Variants in LEMD1 observed in about 807,000 individuals in gnomAD.
The protein encoded by LEMD1 is LEM domain containing 1.
In LEMD1, 18 loss-of-function variants were observed where a neutral mutation model predicts 17.4. The observed-to-expected ratio is 1.04, with a 90% CI of 0.72 to 1.54. The LOEUF is 1.54. LEMD1 is among the 40% of genes most tolerant of loss of function. The pLI is 0.00. For missense variants in LEMD1, 195 were observed against 210.4 expected (o/e 0.93, Z 0.45); for synonymous variants, 88 against 77.8 (o/e 1.13, Z -0.69).
At chr1:205,416,644 G>A (rs990858591) in intron 3 of LEMD1, among the ~76,000 whole-genome samples, 1 of 152,144 alleles carries the variant, frequency 6.6e-6, no homozygotes, top group Non-Finnish European at 1.5e-5. Context: ...TAGGAAGGGA[G>A]GATTTTCTCC....
chr1:205,404,976 G>A (rs1665024215), intron 4 of LEMD1, among the ~76,000 whole-genome samples: 1 of 152,010 alleles, frequency 6.6e-6, no homozygotes, highest in East Asian at 1.9e-4. Flanking sequence ...AGTTTGGCTG[G>A]ATATGAAATT....
At chr1:205,423,979 TA>T (rs147873684), upstream of LEMD1, among the ~76,000 whole-genome samples, 1,433 of 152,274 alleles carry the variant, frequency 9.4e-3, 20 homozygotes, top group African/African-American at 0.032. Context: ...ACGGAAATAG[TA>T]AAAGCCAGAT....
At chr1:205,414,977 T>C (rs978912495) in intron 4 of LEMD1, among the ~76,000 whole-genome samples, 1 of 152,070 alleles carries the variant, frequency 6.6e-6, no homozygotes, top group Non-Finnish European at 1.5e-5. Flanking sequence ...ATCATTCAGA[T>C]CCCTAAGACT....
intron 4 of LEMD1, among the ~76,000 whole-genome samples, chr1:205,389,293 C>T (rs1362178340): frequency 6.6e-6 from 1 of 152,078 alleles, no homozygotes; most frequent in Non-Finnish European, 1.5e-5. Context: ...AAGTGATCCA[C>T]CCACCTCAGC....
At position 205,428,859 on chromosome 1, in the gene LEMD1, GGTGGAGA is replaced by G. The variant is rs575425638; in HGVS notation, c.-38-8292_-38-8286del. ...GAATTTGGTGACCTATCAAAGGTGG[GGTGGAGA>G]GTGGAGAGTGGAGAGTGTCAGGAAT... On this transcript the variant is annotated intron_variant, in intron 1 of 3. Coordinates refer to the LEMD1 transcript ENST00000367154. 8.5e-4 allele frequency among the ~76,000 whole-genome samples: 130 copies of G among 152,272 alleles called. 1 individual carries two copies. The South Asian group carries it at 0.023, about 27-fold the overall frequency.
At chr1:205,403,033 G>A (rs1196671661) in intron 4 of LEMD1, among the ~76,000 whole-genome samples, 1 of 151,824 alleles carries the variant, frequency 6.6e-6, no homozygotes, top group East Asian at 1.9e-4. Flanking sequence ...AACCAGCCTT[G>A]CAACCCAGGG....
chr1:205,395,582 G>A (rs1247016234), intron 4 of LEMD1, among the ~76,000 whole-genome samples: 5 of 126,018 alleles, frequency 4.0e-5, no homozygotes, highest in Middle Eastern at 3.8e-3. Context: ...CAACAAGAGC[G>A]AAATTCTGTC....
chr1:205,414,059 C>G (rs79871627), intron 4 of LEMD1, among the ~76,000 whole-genome samples: 2 of 152,038 alleles, frequency 1.3e-5, no homozygotes, highest in Non-Finnish European at 2.9e-5. Flanking sequence ...CATGGGAAGA[C>G]AGTGTGAGAG....
chr1:205,400,868 A>C lies in LEMD1; in HGVS notation c.270+15364T>G, dbSNP rs1162231604. 3.0e-4 allele frequency among the ~76,000 whole-genome samples: 30 copies of C among 98,734 alleles called. No individual in the cohort carries two copies. In the East Asian group the frequency reaches 0.01, roughly 34 times the overall value. The allele number at this position is 98,734 out of a possible 152,430, so 64.8% of individuals were successfully genotyped here. A position where few individuals can be genotyped will look rare whatever the true frequency, so the allele number is the denominator to read the frequency against. On this transcript the variant is annotated intron_variant, in intron 4 of 5. Transcript: ENST00000367153. ...TCCCCCCCCCCACCCCACAACAGTC[A>C]CCAGAGTGTGATGTTCCCCTTCCTG...
intron 5 of LEMD1, among the ~76,000 whole-genome samples, chr1:205,382,582 A>G (rs1236793086): frequency 2.6e-5 from 4 of 152,084 alleles, no homozygotes; most frequent in Non-Finnish European, 5.9e-5. Context: ...AACAAGTGAT[A>G]CTAACAGCGT....
At chr1:205,444,902 C>A (rs1666357251) in intron 1 of LEMD1, among the ~76,000 whole-genome samples, 1 of 151,576 alleles carries the variant, frequency 6.6e-6, no homozygotes, top group Non-Finnish European at 1.5e-5. Context: ...CACCCCCCAC[C>A]CCAGGTAAAG....
At chr1:205,404,594 T>C (rs995543807) in intron 4 of LEMD1, among the ~76,000 whole-genome samples, 1 of 152,210 alleles carries the variant, frequency 6.6e-6, no homozygotes. Flanking sequence ...CCTATGTGTG[T>C]CTCTGCACGT....
chr1:205,419,088 A>G (rs1016811189), intron 3 of LEMD1, 142 bp downstream of exon 3: 1 of 930,666 alleles, frequency 1.1e-6, no homozygotes, highest in Non-Finnish European at 1.6e-6. Context: ...CCAGGGGCCT[A>G]TTTTCCAGGC....
chr1:205,407,865 T>C (rs1234450354), intron 4 of LEMD1, among the ~76,000 whole-genome samples: 1 of 152,158 alleles, frequency 6.6e-6, no homozygotes, highest in African/African-American at 2.4e-5. Context: ...GTTGGATACC[T>C]GGCTGGTGTC....
chr1:205,389,275 C>T (rs779117631), intron 4 of LEMD1, among the ~76,000 whole-genome samples: 42 of 151,972 alleles, frequency 2.8e-4, no homozygotes, highest in Middle Eastern at 3.2e-3. Flanking sequence ...TCTTGAACTC[C>T]TGACCTTAAG....
intron 1 of LEMD1, chr1:205,437,917 T>C (rs1231643149): frequency 6.6e-6 from 1 of 152,170 alleles, no homozygotes; most frequent in African/African-American, 2.4e-5. Context: ...TAGTTAATTA[T>C]TGCTCTTTTT....
chr1:205,448,351 G>A lies in LEMD1; in HGVS notation c.-39+1517C>T. Reference sequence around the variant, plus strand: ...ATGGCTTTTAGCCCTACATGAGTTTGGGACAGCAATCACATAGGAATGAAA... The same window carrying A: ...ATGGCTTTTAGCCCTACATGAGTTTAGGACAGCAATCACATAGGAATGAAA... On this transcript the variant is annotated intron_variant, in intron 1 of 3. Coordinates refer to the LEMD1 transcript ENST00000367154. The surrounding 1 kb of genome is among the most constrained non-coding windows in gnomAD (Gnocchi z 4.7). 1.9e-6 allele frequency: 1 copy of A among 534,528 alleles called. No individual in the cohort carries two copies. The highest frequency in any genetic ancestry group is 3.8e-6 in the Non-Finnish European group (1 of 259,950). 33.1% of individuals were successfully genotyped at this position (534,528 alleles called of 1,614,324 possible). A position where few individuals can be genotyped will look rare whatever the true frequency, so the allele number is the denominator to read the frequency against.
chr1:205,411,692 A>AAAGAAAGG (rs965383877), intron 4 of LEMD1, among the ~76,000 whole-genome samples: 1 of 151,866 alleles, frequency 6.6e-6, no homozygotes, highest in African/African-American at 2.4e-5. Context: ...AGAAAGAAAG[A>AAAGAAAGG]AAGAAAAAGG....
chr1:205,445,093 G>A (rs1267063236), intron 1 of LEMD1, among the ~76,000 whole-genome samples: 3 of 152,162 alleles, frequency 2.0e-5, no homozygotes, highest in Admixed American at 6.5e-5. Context: ...TTAGGAGACC[G>A]GATTTGGGGG....
Sources: allele counts gnomAD v4.1 joint callset (sites outside exome capture counted in the v4.1 genomes callset), GRCh38; gene constraint gnomAD v4.1.1; non-coding constraint Gnocchi (gnomAD v3.1); transcripts MANE v1.5; gene names NCBI Gene and HGNC (gene_info 2026-07-23, HGNC 2026-07-21).